The following FNDC3B variants were observed in gnomAD, a reference collection of about 807,000 sequenced individuals.
FNDC3B encodes the protein fibronectin type III domain containing 3B.
Under a neutral mutation model 151.5 loss-of-function variants are expected in FNDC3B, and 12 were observed. The observed-to-expected ratio is 0.08, with a 90% CI of 0.05 to 0.13. The LOEUF is 0.13. Ranked by LOEUF, FNDC3B falls within the 10% of genes least tolerant of loss-of-function variation. FNDC3B has a pLI of 1.00. For missense variants in FNDC3B, 1,214 were observed against 1,505.3 expected (o/e 0.81, Z 3.20); for synonymous variants, 528 against 549.0 (o/e 0.96, Z 0.54).
chr3:172,290,425 C>T (rs1191779839), intron 7 of FNDC3B, among the ~76,000 whole-genome samples: 1 of 152,100 alleles, frequency 6.6e-6, no homozygotes, highest in Non-Finnish European at 1.5e-5. Flanking sequence ...CATGACAGAG[C>T]AATAAGCCTG....
At chr3:172,195,852 AC>A (rs2108680566) in intron 3 of FNDC3B, among the ~76,000 whole-genome samples, 1 of 152,268 alleles carries the variant, frequency 6.6e-6, no homozygotes, top group East Asian at 1.9e-4. Context: ...TCTGCCTCAA[AC>A]TTTTTGACCT....
chr3:172,148,979 G>A (rs1722074975), intron 3 of FNDC3B, among the ~76,000 whole-genome samples: 1 of 152,220 alleles, frequency 6.6e-6, no homozygotes, highest in Non-Finnish European at 1.5e-5. Context: ...TAACCATAGA[G>A]CAGACTTTGA....
chr3:172,100,921 A>G (rs970054453), intron 1 of FNDC3B, among the ~76,000 whole-genome samples: 1 of 152,214 alleles, frequency 6.6e-6, no homozygotes, highest in East Asian at 1.9e-4. Context: ...TTTTGAAAAA[A>G]TATTTGAACC....
intron 3 of FNDC3B, among the ~76,000 whole-genome samples, chr3:172,167,979 G>GT (rs1723091535): frequency 6.6e-6 from 1 of 152,164 alleles, no homozygotes; most frequent in African/African-American, 2.4e-5. Flanking sequence ...ATCATTTCGA[G>GT]TTACACCTCT....
At chr3:172,123,536 G>T (rs748336803) in intron 2 of FNDC3B, among the ~76,000 whole-genome samples, 1 of 152,138 alleles carries the variant, frequency 6.6e-6, no homozygotes, top group Admixed American at 6.5e-5. Context: ...TTATATTGGA[G>T]TGTTGAGTTG....
intron 11 of FNDC3B, among the ~76,000 whole-genome samples, chr3:172,314,618 T>C (rs528949265): frequency 6.6e-6 from 1 of 152,168 alleles, no homozygotes; most frequent in South Asian, 2.1e-4. Flanking sequence ...ATGAGTAGAG[T>C]AAAATTTTGA....
At chr3:172,354,209 A>G (rs1733981806) in intron 22 of FNDC3B, among the ~76,000 whole-genome samples, 1 of 152,114 alleles carries the variant, frequency 6.6e-6, no homozygotes, top group South Asian at 2.1e-4. Context: ...ACAGTTTTAC[A>G]TACCCATTTC....
intron 1 of FNDC3B, among the ~76,000 whole-genome samples, chr3:172,086,289 G>T (rs1718543642): frequency 6.6e-6 from 1 of 152,000 alleles, no homozygotes; most frequent in Non-Finnish European, 1.5e-5. Context: ...GAGCTCAGGA[G>T]GTAGAGGCTG....
At chr3:172,310,465 C>T (rs929878967) in intron 10 of FNDC3B, among the ~76,000 whole-genome samples, 1 of 152,204 alleles carries the variant, frequency 6.6e-6, no homozygotes, top group African/African-American at 2.4e-5. Context: ...TCCAGCAGTG[C>T]CTGTGTTTCT....
chr3:172,166,969 A>G (rs1723032828), intron 3 of FNDC3B, among the ~76,000 whole-genome samples: 1 of 152,208 alleles, frequency 6.6e-6, no homozygotes, highest in South Asian at 2.1e-4. Flanking sequence ...GAAAAGTGAA[A>G]AATGTTCTTT....
chr3:172,247,584 C>A lies in FNDC3B; in HGVS notation c.316C>A (p.Pro106Thr), dbSNP rs755409588. ...VRRVVVTPQS[P>T]ECYPPSYPSA... ...CCGGGTGGTGGTCACACCCCAGTCT[C>A]CTGAGTGTTATCCCCCAAGCTACCC... The change falls in exon 5 of 26, where the codon CCT becomes ACT. Residue 106 changes from proline (P) to threonine (T), a missense_variant. Pro to Thr is a conservative substitution (Grantham distance 38). This residue lies in a region of FNDC3B where 113 missense variants were observed against 177.8 expected (regional missense o/e 0.64). Coordinates refer to ENST00000415807, the MANE Select transcript of FNDC3B (RefSeq NM_022763.4). The A allele has an allele frequency of 1.2e-6, 2 of 1,614,014 alleles. No homozygotes were observed. Among genetic ancestry groups the A allele is most frequent in the African/African-American group, 2.7e-5 (2 of 74,904 alleles).
chr3:172,382,369 G>C (rs1735495926), intron 25 of FNDC3B, among the ~76,000 whole-genome samples: 2 of 152,044 alleles, frequency 1.3e-5, no homozygotes, highest in South Asian at 2.1e-4. Flanking sequence ...TAGATATTAG[G>C]CCTTTGTCAG....
At chr3:172,093,928 T>A (rs1243981308) in intron 1 of FNDC3B, among the ~76,000 whole-genome samples, 1 of 152,236 alleles carries the variant, frequency 6.6e-6, no homozygotes, top group Non-Finnish European at 1.5e-5. Flanking sequence ...ATTTCACATG[T>A]CATACAGCTC....
At chr3:172,155,439 A>G (rs4371542) in intron 3 of FNDC3B, among the ~76,000 whole-genome samples, 1,634 of 152,318 alleles carry the variant, frequency 0.011, 31 homozygotes, top group African/African-American at 0.036. Context: ...AGCCTAGATT[A>G]TGGAACAGAA....
intron 24 of FNDC3B, among the ~76,000 whole-genome samples, chr3:172,378,843 C>T (rs56063509): frequency 0.14 from 22,029 of 152,074 alleles, 1,818 homozygotes; most frequent in South Asian, 0.21. Context: ...TCTCTTTTGG[C>T]GCACAGCTCT....
intron 3 of FNDC3B, among the ~76,000 whole-genome samples, chr3:172,199,233 G>T (rs1170580774): frequency 1.3e-5 from 2 of 150,396 alleles, no homozygotes; most frequent in Non-Finnish European, 3.0e-5. Context: ...AGGCTGGAGT[G>T]CAGTGGCGCG....
At chr3:172,312,664 G>A (rs762506641) in intron 11 of FNDC3B, among the ~76,000 whole-genome samples, 4 of 151,840 alleles carry the variant, frequency 2.6e-5, no homozygotes, top group Non-Finnish European at 4.4e-5. Context: ...GCACACACTC[G>A]TGCATGCATA....
chr3:172,133,713 G>A, intron 3 of FNDC3B, 167 bp downstream of exon 3: 1 of 673,638 alleles, frequency 1.5e-6, no homozygotes, highest in Admixed American at 2.3e-5. Context: ...ATATTATGAT[G>A]TTATCCAAAG....
intron 3 of FNDC3B, among the ~76,000 whole-genome samples, chr3:172,136,304 A>T (rs986487532): frequency 2.6e-5 from 4 of 152,236 alleles, no homozygotes; most frequent in Non-Finnish European, 5.9e-5. Flanking sequence ...TCTTGGGAAT[A>T]AGCTAGGGGC....
Sources: gnomAD v4.1 joint callset for allele counts (sites outside exome capture counted in the v4.1 genomes callset) on GRCh38, gnomAD v4.1.1 for gene constraint, gnomAD v4.1.1 regional missense constraint, MANE v1.5 for transcripts, NCBI Gene and HGNC (gene_info 2026-07-23, HGNC 2026-07-21) for gene names.